TACC2: variants seen among roughly 807,000 people sequenced by gnomAD.
TACC2 encodes transforming acidic coiled-coil-containing protein 2.
In TACC2, 137 loss-of-function variants were observed where a neutral mutation model predicts 227.3. The observed-to-expected ratio is 0.60, with a 90% confidence interval of 0.52 to 0.69. TACC2 has a LOEUF of 0.69. Ranked by LOEUF, TACC2 falls within the 30% of genes least tolerant of loss-of-function variation. The pLI, the probability that TACC2 is intolerant of heterozygous loss-of-function variation, is 0.00. For missense variants in TACC2, 3,470 were observed against 3,694.4 expected, an observed-to-expected ratio of 0.94 and a Z score of 1.57; for synonymous variants, 1,523 against 1,487.5, an observed-to-expected ratio of 1.02 and a Z score of -0.55.
intron 16 of TACC2, among the ~76,000 whole-genome samples, chr10:122,234,585 A>T (rs1191131344): frequency 6.6e-6 from 1 of 152,250 alleles, no homozygotes; most frequent in African/African-American, 2.4e-5. Context: ...CAACATGCAG[A>T]TACTCAGGCA....
chr10:122,252,194 T>C lies in TACC2; in HGVS notation c.8782-1797T>C, dbSNP rs184095615. On this transcript the variant is annotated intron_variant, in intron 22 of 22. Transcript: ENST00000369005. ...TGTACATAACGTTGTTTAACAGTTA[T>C]AATGGCAAAGCCATATAGGAGCTGG... 3.2e-4 allele frequency among the ~76,000 whole-genome samples: 49 copies of C among 152,348 alleles called. 1 individual carries two copies. The South Asian group carries it at 5.4e-3, about 17-fold the overall frequency.
intron 6 of TACC2, 148 bp downstream of exon 6, chr10:122,132,882 T>G: frequency 1.3e-6 from 1 of 749,804 alleles, no homozygotes; most frequent in Non-Finnish European, 2.1e-6. Flanking sequence ...TGTGCACACC[T>G]GTCCTGAACA....
At chr10:122,116,037 C>T (rs900800906) in intron 5 of TACC2, among the ~76,000 whole-genome samples, 3 of 152,058 alleles carry the variant, frequency 2.0e-5, no homozygotes, top group Admixed American at 1.3e-4. Flanking sequence ...CTATTGAGGT[C>T]GCAGTCCTTG....
intron 22 of TACC2, among the ~76,000 whole-genome samples, chr10:122,252,762 G>A (rs143042901): frequency 0.017 from 2,593 of 152,284 alleles, 38 homozygotes; most frequent in Non-Finnish European, 0.028. Context: ...CAAAGTGCTG[G>A]GATTGCAGGC....
Position 122,083,139 on chromosome 10 carries a change from G to C in TACC2, c.639G>C (p.Leu213=). Residue 213 remains leucine (L), a synonymous_variant, in exon 4 of 23, where the codon CTG becomes CTC. Coordinates refer to ENST00000369005, the MANE Select transcript of TACC2 (RefSeq NM_206862.4). ...VPLREPMKAP[L]CGEGDQPGGF... ...TCAGAGAGCCAATGAAGGCACCGCTGTGTGGAGAGGGGGACCAGCCTGGTG... is the reference window on the plus strand; with the variant it reads ...TCAGAGAGCCAATGAAGGCACCGCTCTGTGGAGAGGGGGACCAGCCTGGTG... 1 of 1,613,188 alleles carries C rather than the reference G, an allele frequency of 6.2e-7. No homozygotes were observed. Among genetic ancestry groups the C allele is most frequent in the South Asian group, 1.1e-5 (1 of 91,074 alleles).
intron 1 of TACC2, among the ~76,000 whole-genome samples, chr10:122,008,195 C>T (rs952375903): frequency 1.3e-5 from 2 of 151,984 alleles, no homozygotes; most frequent in East Asian, 3.9e-4. Context: ...TTTTTTCCCC[C>T]TAGAAGCCAT....
At position 122,095,978 on chromosome 10, in the gene TACC2, G is replaced by A. The variant is rs773316187; in HGVS notation, c.5573+7387G>A. Among the ~76,000 whole-genome samples the A allele has an allele frequency of 5.9e-5, 9 of 152,212 alleles. No homozygotes were observed. The South Asian group carries it at 1.2e-3, about 21-fold the overall frequency. On this transcript the variant is annotated intron_variant, in intron 5 of 22. Coordinates refer to ENST00000369005, the MANE Select transcript of TACC2 (RefSeq NM_206862.4). Reference sequence around the variant, plus strand: ...GGAAGCCACTGTGTCTTTGCATTACGTCAGAGGCTAATCCTTGCCATCAGA... The same window carrying A: ...GGAAGCCACTGTGTCTTTGCATTACATCAGAGGCTAATCCTTGCCATCAGA...
chr10:122,021,664 G>T (rs1030721060), intron 1 of TACC2, among the ~76,000 whole-genome samples: 1 of 152,104 alleles, frequency 6.6e-6, no homozygotes, highest in Non-Finnish European at 1.5e-5. Flanking sequence ...ATATGTGTAC[G>T]CTGGCACTAG....
chr10:122,098,745 T>C (rs571826615), intron 5 of TACC2, among the ~76,000 whole-genome samples: 1 of 152,334 alleles, frequency 6.6e-6, no homozygotes, highest in South Asian at 2.1e-4. Flanking sequence ...TTAAGGTAGA[T>C]TAATGGTAGG....
Position 122,222,864 on chromosome 10 carries a change from A to G in TACC2, c.7547-1862A>G, listed in dbSNP as rs2095547695. Among the ~76,000 whole-genome samples, 6 of 152,184 alleles carry G rather than the reference A, an allele frequency of 3.9e-5. No homozygotes were observed. The South Asian group carries it at 1.2e-3, about 32-fold the overall frequency. On this transcript the variant is annotated intron_variant, in intron 11 of 22. Transcript: ENST00000369005. ...CATTTAGGGCATGTAATGCCTTGGA[A>G]ATCGTAATGATACCTTAGAAGAGGC...
intron 5 of TACC2, among the ~76,000 whole-genome samples, chr10:122,125,902 G>A (rs920113574): frequency 4.0e-5 from 6 of 148,790 alleles, no homozygotes; most frequent in African/African-American, 1.5e-4. Context: ...TCAGCCTCCC[G>A]AGTAGCTGGG....
chr10:122,144,474 G>A (rs1019134196), intron 7 of TACC2, among the ~76,000 whole-genome samples: 5 of 152,156 alleles, frequency 3.3e-5, no homozygotes, highest in Non-Finnish European at 2.9e-5. Context: ...ATTTTGTAGA[G>A]AGCCAAATGC....
intron 1 of TACC2, among the ~76,000 whole-genome samples, chr10:122,010,073 G>T (rs963540123): frequency 5.9e-5 from 9 of 152,240 alleles, no homozygotes; most frequent in African/African-American, 2.2e-4. Context: ...AATATCTGCA[G>T]TTTCTTAGTT....
intron 3 of TACC2, among the ~76,000 whole-genome samples, chr10:122,077,433 T>G (rs1338379199): frequency 6.6e-6 from 1 of 152,172 alleles, no homozygotes; most frequent in Admixed American, 6.5e-5. Flanking sequence ...GAAACTGATC[T>G]GGGAGCCCAG....
At chr10:122,178,206 C>T (rs190477842) in intron 7 of TACC2, among the ~76,000 whole-genome samples, 70 of 151,210 alleles carry the variant, frequency 4.6e-4, no homozygotes, top group Admixed American at 1.4e-3. Context: ...GGTCTCTGTA[C>T]GGCCTCTTTT....
At chr10:122,094,781 A>G (rs2081202336) in intron 5 of TACC2, among the ~76,000 whole-genome samples, 1 of 152,154 alleles carries the variant, frequency 6.6e-6, no homozygotes, top group Admixed American at 6.5e-5. Context: ...AGCATGGAAG[A>G]GCCGCTCACT....
rs1199194417 is a variant in TACC2, at chr10:122,141,373, A to G, written c.5700-2199A>G. 6.6e-6 allele frequency among the ~76,000 whole-genome samples: 1 copy of G among 152,010 alleles called. No individual in the cohort carries two copies. On this transcript the variant is annotated intron_variant, in intron 6 of 22. Coordinates refer to ENST00000369005, the MANE Select transcript of TACC2 (RefSeq NM_206862.4). The surrounding 1 kb of genome is among the most constrained non-coding windows in gnomAD (Gnocchi z 4.3). ...CCTTTCTTAAATGAGCTGTTGAGTCACACTTGTTTGATGCCTTTGGCTAAC... is the reference window on the plus strand; with the variant it reads ...CCTTTCTTAAATGAGCTGTTGAGTCGCACTTGTTTGATGCCTTTGGCTAAC...
intron 1 of TACC2, among the ~76,000 whole-genome samples, chr10:122,011,844 G>A (rs544261372): frequency 4.6e-5 from 7 of 152,274 alleles, no homozygotes; most frequent in African/African-American, 1.4e-4. Context: ...AAAGAGTCCT[G>A]AACCAGGAGA....
At chr10:122,039,889 C>T (rs541547460) in intron 2 of TACC2, among the ~76,000 whole-genome samples, 131 of 152,194 alleles carry the variant, frequency 8.6e-4, no homozygotes, top group African/African-American at 2.9e-3. Context: ...GAGAAGCCAT[C>T]GACAGAGGAA....
Sources: gnomAD v4.1 joint callset for allele counts (sites outside exome capture counted in the v4.1 genomes callset) on GRCh38, gnomAD v4.1.1 for gene constraint, Gnocchi (gnomAD v3.1) non-coding constraint, MANE v1.5 for transcripts, NCBI Gene and HGNC (gene_info 2026-07-23, HGNC 2026-07-21) for gene names.